The following HSD17B12 variants were observed in gnomAD, a reference collection of about 807,000 sequenced individuals.
The protein encoded by HSD17B12 is hydroxysteroid 17-beta dehydrogenase 12.
In HSD17B12, 32 loss-of-function variants were observed where a neutral mutation model predicts 39.3. That is an observed-to-expected ratio of 0.81 (90% CI 0.61 to 1.09). The LOEUF (loss-of-function observed/expected upper bound fraction) is 1.09. Ranked by LOEUF, HSD17B12 falls within the 50% of genes least tolerant of loss-of-function variation. The probability of loss-of-function intolerance (pLI) is 0.00; values close to 1 mark genes in which losing one functional copy is unlikely to be tolerated. For synonymous variants in HSD17B12, 150 were observed against 146.7 expected, an observed-to-expected ratio of 1.02 and a Z score of -0.16; for missense variants, 342 against 382.9, an observed-to-expected ratio of 0.89 and a Z score of 0.89.
the HSD17B12 span, among the ~76,000 whole-genome samples, chr11:43,605,283 C>T: frequency 2.6e-5 from 4 of 151,994 alleles, no homozygotes; most frequent in Admixed American, 1.3e-4. Flanking sequence ...TGGAATCGGC[C>T]GGGCGCAGTG....
chr11:43,787,858 A>C (rs1950830511), intron 3 of HSD17B12, among the ~76,000 whole-genome samples: 1 of 152,166 alleles, frequency 6.6e-6, no homozygotes, highest in African/African-American at 2.4e-5. Flanking sequence ...AAATAAAATC[A>C]ACTGTTAAGC....
At chr11:43,597,542 T>A in the HSD17B12 span, among the ~76,000 whole-genome samples, 1 of 152,140 alleles carries the variant, frequency 6.6e-6, no homozygotes, top group Non-Finnish European at 1.5e-5. Flanking sequence ...ATTAGAGTGG[T>A]TTGGAAGAGC....
At chr11:43,698,376 A>G (rs1454719179) in intron 1 of HSD17B12, among the ~76,000 whole-genome samples, 1 of 152,206 alleles carries the variant, frequency 6.6e-6, no homozygotes, top group African/African-American at 2.4e-5. Context: ...TCTAAATTAG[A>G]TGCTATATTT....
At chr11:43,579,090 C>A in the HSD17B12 span, 1 of 69,784 alleles carries the variant, frequency 1.4e-5, no homozygotes. Context: ...GGGGGGGCAC[C>A]AAATCAGTGG....
At chr11:43,620,627 C>G in the HSD17B12 span, among the ~76,000 whole-genome samples, 67 of 152,154 alleles carry the variant, frequency 4.4e-4, no homozygotes, top group African/African-American at 1.6e-3. Context: ...CTGTGTAAAC[C>G]AACATAGGAT....
the HSD17B12 span, among the ~76,000 whole-genome samples, chr11:43,557,827 CAGG>C: frequency 6.6e-6 from 1 of 151,862 alleles, no homozygotes; most frequent in Non-Finnish European, 1.5e-5. Context: ...TGGGGACTTA[CAGG>C]GTTGGCCTTC....
chr11:43,632,072 C>T, the HSD17B12 span, among the ~76,000 whole-genome samples: 1 of 152,136 alleles, frequency 6.6e-6, no homozygotes, highest in Non-Finnish European at 1.5e-5. Context: ...TGTCAGAAAG[C>T]GCAGATCCTA....
chr11:43,714,701 A>T (rs1328676069), intron 1 of HSD17B12, among the ~76,000 whole-genome samples: 3 of 152,184 alleles, frequency 2.0e-5, no homozygotes, highest in African/African-American at 7.2e-5. Flanking sequence ...TTGAATCTAT[A>T]CATTACCTTG....
intron 3 of HSD17B12, among the ~76,000 whole-genome samples, chr11:43,792,517 C>T (rs1950876955): frequency 6.6e-6 from 1 of 152,080 alleles, no homozygotes; most frequent in Admixed American, 6.5e-5. Flanking sequence ...AAAATATCCT[C>T]AACCTTCATA....
chr11:43,647,954 A>G, the HSD17B12 span, among the ~76,000 whole-genome samples: 1 of 152,212 alleles, frequency 6.6e-6, no homozygotes, highest in Non-Finnish European at 1.5e-5. Context: ...AAGTCAGAGT[A>G]TTGGATGATT....
the HSD17B12 span, chr11:43,581,502 C>T: frequency 2.0e-6 from 1 of 488,206 alleles, no homozygotes; most frequent in Non-Finnish European, 4.3e-6. This position sits in a 1 kb window ranked among gnomAD's most constrained non-coding sequence, Gnocchi z 4.9. Context: ...GAGAAGACGG[C>T]AGCCATCCAG....
chr11:43,770,512 G>A (rs1950638848), intron 3 of HSD17B12, among the ~76,000 whole-genome samples: 1 of 152,186 alleles, frequency 6.6e-6, no homozygotes, highest in Non-Finnish European at 1.5e-5. Context: ...AGGATGGCTT[G>A]AGCCCAGAAG....
the HSD17B12 span, among the ~76,000 whole-genome samples, chr11:43,626,315 A>G: frequency 6.6e-6 from 1 of 151,946 alleles, no homozygotes; most frequent in East Asian, 1.9e-4. Context: ...TTGAATGCCA[A>G]CCATTTCAGT....
intron 1 of HSD17B12, among the ~76,000 whole-genome samples, chr11:43,690,636 G>A (rs771560123): frequency 4.0e-5 from 6 of 150,550 alleles, no homozygotes; most frequent in East Asian, 1.9e-4. Context: ...AAATATTAGC[G>A]GTTTCCCAAC....
chr11:43,771,062 A>C (rs1468512191), intron 3 of HSD17B12, among the ~76,000 whole-genome samples: 3 of 152,218 alleles, frequency 2.0e-5, no homozygotes, highest in African/African-American at 7.2e-5. Flanking sequence ...AGAGAGGGAG[A>C]GAATCACACG....
At chr11:43,576,869 G>A in the HSD17B12 span, among the ~76,000 whole-genome samples, 3 of 152,022 alleles carry the variant, frequency 2.0e-5, no homozygotes, top group Non-Finnish European at 4.4e-5. Flanking sequence ...ATCAATAGCT[G>A]CTGCAACTCT....
At chr11:43,684,910 G>A (rs772261234) in intron 1 of HSD17B12, among the ~76,000 whole-genome samples, 3 of 152,154 alleles carry the variant, frequency 2.0e-5, no homozygotes, top group Admixed American at 6.5e-5. Context: ...TTCTGTCTAC[G>A]TAGGTTTGCC....
chr11:43,664,747 T>C, the HSD17B12 span, among the ~76,000 whole-genome samples: 1 of 152,212 alleles, frequency 6.6e-6, no homozygotes, highest in Non-Finnish European at 1.5e-5. Flanking sequence ...GGGTCCCTGC[T>C]CTGTCTCATA....
At chr11:43,564,828 A>G in the HSD17B12 span, among the ~76,000 whole-genome samples, 1 of 152,142 alleles carries the variant, frequency 6.6e-6, no homozygotes, top group African/African-American at 2.4e-5. Flanking sequence ...ATTTGGTAAT[A>G]GCTCTAGAGA....
Sources: allele counts gnomAD v4.1 joint callset (sites outside exome capture counted in the v4.1 genomes callset), GRCh38; gene constraint gnomAD v4.1.1; non-coding constraint Gnocchi (gnomAD v3.1); transcripts MANE v1.5; gene names NCBI Gene and HGNC (gene_info 2026-07-23, HGNC 2026-07-21).